Variants in WDR81 observed in about 807,000 individuals in gnomAD.
WDR81 encodes the protein WD repeat domain 81.
WDR81 carries 92 observed loss-of-function variants against 140.8 expected under a neutral mutation model. That is an observed-to-expected ratio of 0.65 (90% confidence interval 0.55 to 0.78). The LOEUF is 0.78. WDR81 is among the 30% of genes least tolerant of loss of function. The pLI is 0.00. For synonymous variants in WDR81, 1,183 were observed against 1,156.4 expected, an observed-to-expected ratio of 1.02 and a Z score of -0.47; for missense variants, 2,502 against 2,636.4, an observed-to-expected ratio of 0.95 and a Z score of 1.12.
chr17:1,725,534 T>C lies in WDR81; in HGVS notation c.575T>C (p.Val192Ala). The stretch of plus-strand genomic sequence containing the variant: ...GTCTATGGTTGCTCCTTCCTGCCAG[T>C]GGGTGAAACTACCCAATGCCCTTCA... ...QRVYGCSFLP[V>A]GETTQCPSYA... is the part of the protein sequence containing the mutation. The change falls in exon 1 of 10, where the codon GTG becomes GCG. Residue 192 changes from valine (V) to alanine (A), a missense_variant. Val to Ala is a moderately conservative substitution (Grantham distance 64). This residue lies in a region of WDR81 where 547 missense variants were observed against 513.8 expected (regional missense o/e 1.06). Coordinates refer to ENST00000409644, the MANE Select transcript of WDR81 (RefSeq NM_001163809.2). 1.9e-6 allele frequency: 3 copies of C among 1,545,350 alleles called. No homozygotes were observed. The highest frequency in any genetic ancestry group is 2.6e-6 in the Non-Finnish European group (3 of 1,146,964).
chr17:1,737,704 C>A lies in WDR81; in HGVS notation c.*19C>A. ...GGCATAGACTGAGGCAGGAGCTGGC[C>A]GGGCAAGGGTGGGAAGACATCTGCG... is the stretch of plus-strand genomic sequence containing the variant. On this transcript the variant is annotated 3_prime_UTR_variant, in exon 10 of 10. Transcript: ENST00000409644. The A allele has an allele frequency of 1.3e-6, 2 of 1,589,840 alleles. No individual in the cohort carries two copies. Among genetic ancestry groups the A allele is most frequent in the South Asian group, 1.1e-5 (1 of 88,166 alleles).
intron 1 of WDR81, chr17:1,717,081 C>A (rs1914609314): frequency 5.3e-6 from 1 of 188,706 alleles, no homozygotes; most frequent in Non-Finnish European, 1.1e-5. Context: ...AGGGGATGGG[C>A]CATGCCAAAG....
At chr17:1,734,349 G>C in intron 7 of WDR81, 133 bp downstream of exon 7, 1 of 1,090,692 alleles carries the variant, frequency 9.2e-7, no homozygotes, top group Non-Finnish European at 1.3e-6. Context: ...TAGGAGAACA[G>C]TTAGGGCTTC....
At chr17:1,729,982 C>G (rs556645566) in intron 1 of WDR81, among the ~76,000 whole-genome samples, 18 of 123,746 alleles carry the variant, frequency 1.5e-4, no homozygotes, top group African/African-American at 5.0e-4. Context: ...CAGTGCGAGA[C>G]TCTGTCTCAA....
At chr17:1,730,259 C>T (rs1771840091) in intron 1 of WDR81, 121 bp from the exon 2 acceptor site, 15 of 750,952 alleles carry the variant, frequency 2.0e-5, no homozygotes, top group South Asian at 5.6e-5. Context: ...ACAGCCGGCC[C>T]GGGCTGGGCT....
In WDR81 at chr17:1,725,670, C is replaced by A. The variant is rs1437599446; in HGVS notation, c.711C>A (p.Tyr237Ter). The A allele has an allele frequency of 1.3e-6, 2 of 1,548,038 alleles. No homozygotes were observed. The highest frequency in any genetic ancestry group is 1.7e-6 in the Non-Finnish European group (2 of 1,147,008). The change falls in exon 1 of 10, where the codon TAC becomes TAA. Residue 237 changes from tyrosine to a stop codon, truncating the protein, a stop_gained. Coordinates refer to ENST00000409644, the MANE Select transcript of WDR81 (RefSeq NM_001163809.2). LOFTEE classifies it high-confidence loss of function. Reference sequence around the variant, plus strand: ...AGATGCTGTATGTGGTACACCCTTACGTACAGTTCTCCCTACATGACGTGG... The same window carrying A: ...AGATGCTGTATGTGGTACACCCTTAAGTACAGTTCTCCCTACATGACGTGG... The part of the protein sequence containing the change: ...SPEMLYVVHP[Y>*]VQFSLHDVVT...
At chr17:1,732,952 GA>G in intron 6 of WDR81, 121 bp downstream of exon 6, 1 of 1,317,980 alleles carries the variant, frequency 7.6e-7, no homozygotes, top group Non-Finnish European at 1.0e-6. Flanking sequence ...GGATGGGTGA[GA>G]GCAAAGGGAT....
intron 1 of WDR81, chr17:1,716,913 C>T: frequency 1.8e-6 from 1 of 549,696 alleles, no homozygotes; most frequent in Non-Finnish European, 3.2e-6. Context: ...GCCCACTCCT[C>T]CTGGGGGCTC....
chr17:1,726,180 C>G lies in WDR81; in HGVS notation c.1221C>G (p.Asn407Lys). 1 of 1,520,100 alleles carries G rather than the reference C, an allele frequency of 6.6e-7. No individual in the cohort carries two copies. Among genetic ancestry groups the G allele is most frequent in the Non-Finnish European group, 8.9e-7 (1 of 1,127,532 alleles). 94.2% of individuals were successfully genotyped at this position (1,520,100 alleles called of 1,614,324 possible). A position where few individuals can be genotyped will look rare whatever the true frequency, so the allele number is the denominator to read the frequency against. ...TGCGCAAGTCCAAGTTCCGCCTCAACAAGGGGGATAAGCAACTGGACTTCA... is the reference window on the plus strand; with the variant it reads ...TGCGCAAGTCCAAGTTCCGCCTCAAGAAGGGGGATAAGCAACTGGACTTCA... ...RDLRKSKFRL[N>K]KGDKQLDFTY... The change falls in exon 1 of 10, where the codon AAC becomes AAG. Residue 407 changes from asparagine to lysine, a missense_variant. Coordinates refer to ENST00000409644, the MANE Select transcript of WDR81 (RefSeq NM_001163809.2).
rs111973472 is a variant in WDR81, at chr17:1,729,684, C to T, written c.3668-696C>T. Among the ~76,000 whole-genome samples, 140 of 152,016 alleles carry T rather than the reference C, an allele frequency of 9.2e-4. 1 individual carries two copies. The highest frequency in any genetic ancestry group is 2.9e-3 in the African/African-American group (119 of 41,468). On this transcript the variant is annotated intron_variant, in intron 1 of 9. Transcript: ENST00000409644. ...CCATTAAAGAAGAGAAGCGGGGGAC[C>T]GGGCGCGGTGCTTCACGCCTGTAAT...
intron 5 of WDR81, 27 bp from the exon 6 acceptor site, chr17:1,732,639 C>A (rs1402131640): frequency 1.3e-6 from 2 of 1,583,788 alleles, no homozygotes; most frequent in Admixed American, 1.7e-5. Context: ...GTGGACCCGG[C>A]TGACCCCCTG....
rs766140596 is a variant in WDR81, at chr17:1,728,044, G to A, written c.3085G>A (p.Ala1029Thr). Residue 1029 changes from alanine to threonine, a missense_variant, in exon 1 of 10, where the codon GCT becomes ACT. Transcript: ENST00000409644. ...QEESKDLAGA[A>T]EEEESGLPGA... ...GGAGAGCAAGGACCTGGCAGGGGCT[G>A]CTGAGGAGGAGGAGAGCGGGCTGCC... The A allele has an allele frequency of 5.4e-5, 84 of 1,558,088 alleles. 2 individuals carry two copies. The South Asian group carries it at 6.8e-4, about 13-fold the overall frequency.
At chr17:1,722,240 A>T (rs978872438), upstream of WDR81, among the ~76,000 whole-genome samples, 2 of 152,188 alleles carry the variant, frequency 1.3e-5, no homozygotes, top group African/African-American at 4.8e-5. Context: ...GTAAGTTACT[A>T]CTGCCCAGGA....
intron 1 of WDR81, chr17:1,717,118 T>C: frequency 5.9e-6 from 1 of 169,328 alleles, no homozygotes; most frequent in Admixed American, 5.6e-5. Context: ...TCGCATCCTC[T>C]GATTAACCCC....
chr17:1,721,655 C>T (rs11657873), upstream of WDR81, among the ~76,000 whole-genome samples: 23,229 of 150,958 alleles, frequency 0.15, 2,014 homozygotes, highest in Non-Finnish European at 0.2. Flanking sequence ...AACCTGGTTA[C>T]TACAAAAATA....
rs530920493 is a variant in WDR81, at chr17:1,718,115, A to AT, written c.-124+1494dup. Among the ~76,000 whole-genome samples the AT allele has an allele frequency of 7.7e-3, 1,079 of 141,014 alleles. 7 individuals carry two copies. The highest frequency in any genetic ancestry group is 0.044 in the Middle Eastern group (12 of 270). 92.5% of individuals were successfully genotyped at this position (141,014 alleles called of 152,430 possible). On this transcript the variant is annotated intron_variant, in intron 1 of 10. Coordinates refer to the WDR81 transcript ENST00000309182. ...GCCCATTTACTCCACCTCCTTATTT[A>AT]TTTTTTTTTTTTCTGTTTTTGAGAC...
At position 1,731,131 on chromosome 17, in the gene WDR81, G is replaced by A. The variant is rs1253237711; in HGVS notation, c.4030G>A (p.Ala1344Thr). Reference sequence around the variant, plus strand: ...CAGCCGTAAGGAGGCGGGGCTGCTGGCCGCGGTGACGCTGACTCAGAAGAT... The same window carrying A: ...CAGCCGTAAGGAGGCGGGGCTGCTGACCGCGGTGACGCTGACTCAGAAGAT... ...LNSRKEAGLL[A>T]AVTLTQKIIV... is the part of the protein sequence containing the mutation. The change falls in exon 4 of 10, where the codon GCC becomes ACC. Residue 1344 changes from alanine (A) to threonine (T), a missense_variant. Around this residue, in one of 3 missense-constraint regions of WDR81, gnomAD observed 1,737 missense variants for 1,843.0 expected, o/e 0.94. Coordinates refer to ENST00000409644, the MANE Select transcript of WDR81 (RefSeq NM_001163809.2). The A allele has an allele frequency of 1.9e-6, 3 of 1,613,316 alleles. No individual in the cohort carries two copies. The highest frequency in any genetic ancestry group is 2.5e-6 in the Non-Finnish European group (3 of 1,180,000).
Position 1,730,425 on chromosome 17 carries a change from CCACAGTGGCCTCTCG to C in WDR81, c.3715_3729del (p.Thr1239_Arg1243del), listed in dbSNP as rs1269536436. ...CGCTGGCTGTCTGCCAAGCTCGGCC[CCACAGTGGCCTCTCG>C]CCACGTGGCCCGGAACCTGCTCCGC... On this transcript the variant is annotated inframe_deletion, in exon 2 of 10. Transcript: ENST00000409644. 6.2e-7 allele frequency: 1 copy of C among 1,613,226 alleles called. No individual in the cohort carries two copies. Among genetic ancestry groups the C allele is most frequent in the Admixed American group, 1.7e-5 (1 of 60,010 alleles).
Position 1,727,136 on chromosome 17 carries a change from A to G in WDR81, c.2177A>G (p.Asn726Ser). 4 of 1,547,818 alleles carry G rather than the reference A, an allele frequency of 2.6e-6. No individual in the cohort carries two copies. The highest frequency in any genetic ancestry group is 3.5e-6 in the Non-Finnish European group (4 of 1,145,204). Residue 726 changes from asparagine (N) to serine (S), a missense_variant, in exon 1 of 10, where the codon AAT becomes AGT. Around this residue, in one of 3 missense-constraint regions of WDR81, gnomAD observed 1,737 missense variants for 1,843.0 expected, o/e 0.94. Transcript: ENST00000409644. ...EGRILLPEGF[N>S]PMQALEELEK... is the part of the protein sequence containing the mutation. The stretch of plus-strand genomic sequence containing the variant: ...AGGATTCTTCTTCCCGAGGGCTTCA[A>G]TCCCATGCAGGCCCTGGAGGAGCTG...
Sources: allele counts gnomAD v4.1 joint callset (sites outside exome capture counted in the v4.1 genomes callset), GRCh38; gene constraint gnomAD v4.1.1; regional missense constraint gnomAD v4.1.1; transcripts MANE v1.5; gene names NCBI Gene and HGNC (gene_info 2026-07-23, HGNC 2026-07-21).